The following CDR2 variants were observed in gnomAD, a reference collection of about 807,000 sequenced individuals.
CDR2 encodes the protein cerebellar degeneration-related protein 2.
CDR2 carries 34 observed loss-of-function variants against 48.4 expected under a neutral mutation model. The ratio of observed to expected loss-of-function variants is 0.70; its 90% CI spans 0.53 to 0.94. The LOEUF (loss-of-function observed/expected upper bound fraction) is 0.94. CDR2 is among the 40% of genes least tolerant of loss of function. CDR2 has a pLI of 0.00. For synonymous variants in CDR2, 240 were observed against 219.7 expected (o/e 1.09, Z -0.82); for missense variants, 498 against 549.5 (o/e 0.91, Z 0.94).
intron 2 of CDR2, among the ~76,000 whole-genome samples, chr16:22,358,687 A>G (rs2048992320): frequency 6.6e-6 from 1 of 152,214 alleles, no homozygotes; most frequent in Non-Finnish European, 1.5e-5. Context: ...TATCAAAATG[A>G]ACTTCCACAA....
chr16:22,348,287 G>T (rs1253832390), intron 4 of CDR2, among the ~76,000 whole-genome samples: 1 of 152,148 alleles, frequency 6.6e-6, no homozygotes, highest in East Asian at 1.9e-4. Flanking sequence ...AAATGGAATT[G>T]TGTGAGGCTG....
intron 1 of CDR2, among the ~76,000 whole-genome samples, chr16:22,371,665 A>C (rs1375820277): frequency 6.6e-6 from 1 of 152,212 alleles, no homozygotes; most frequent in Non-Finnish European, 1.5e-5. Flanking sequence ...CCTTTTATTC[A>C]CACTGTAGCC....
intron 2 of CDR2, among the ~76,000 whole-genome samples, chr16:22,361,567 G>A (rs531542840): frequency 1.3e-5 from 2 of 152,344 alleles, no homozygotes; most frequent in South Asian, 4.1e-4. Context: ...CAGGCAGCAA[G>A]GACAGTCTGT....
rs1426021841 is a variant in CDR2, at chr16:22,349,823, T to C, written c.219A>G (p.Leu73=). The change falls in exon 3 of 5, where the codon CTA becomes CTG. Residue 73 remains leucine, a synonymous_variant. Transcript: ENST00000268383. ...TTGCATGTTGTTCGTTCATCTGCCGTAGAAGTTCCACTTGCTTCGTCAGAT... is the reference window on the plus strand; with the variant it reads ...TTGCATGTTGTTCGTTCATCTGCCGCAGAAGTTCCACTTGCTTCGTCAGAT... ...IEYLTKQVEL[L]RQMNEQHAKV... is the part of the protein sequence containing the mutation. 7 of 1,614,160 alleles carry C rather than the reference T, an allele frequency of 4.3e-6. 1 individual carries two copies. The highest frequency in any genetic ancestry group is 3.3e-5 in the South Asian group (3 of 91,090).
intron 1 of CDR2, 33 bp downstream of exon 1, chr16:22,374,198 C>A (rs967259386): frequency 6.7e-7 from 1 of 1,492,096 alleles, no homozygotes; most frequent in Non-Finnish European, 9.2e-7. Flanking sequence ...CGGGCCAGGC[C>A]GCCGCCCGCC....
rs2048910638 is a variant in CDR2, at chr16:22,347,112, G to A, written c.1218C>T (p.Ala406=). 3 of 1,614,080 alleles carry A rather than the reference G, an allele frequency of 1.9e-6. No individual in the cohort carries two copies. The highest frequency in any genetic ancestry group is 1.3e-5 in the African/African-American group (1 of 74,930). The change falls in exon 5 of 5, where the codon GCC becomes GCT. Residue 406 remains alanine (A), a synonymous_variant. Coordinates refer to ENST00000268383, the MANE Select transcript of CDR2 (RefSeq NM_001802.2). ...AACTCACGGGCTCTGGGTTGACAGA[G>A]GCCAGTTCCCAGCCGCTGGCAACAG... ...SEPVASGWEL[A]SVNPEPVSSP...
rs1423693799 is a variant in CDR2 at position 22,355,338 on chromosome 16, C to T, written c.193-5489G>A. 2.6e-5 allele frequency among the ~76,000 whole-genome samples: 4 copies of T among 152,150 alleles called. 1 individual carries two copies. The highest frequency in any genetic ancestry group is 6.5e-5 in the Admixed American group (1 of 15,270). On this transcript the variant is annotated intron_variant, in intron 2 of 4. Coordinates refer to ENST00000268383, the MANE Select transcript of CDR2 (RefSeq NM_001802.2). The stretch of plus-strand genomic sequence containing the variant: ...GTGCCTCCCTCCTCTAATGCCTTTA[C>T]GATCCCCTATCCGGGGGGATGCAGT...
At chr16:22,355,145 G>C (rs929944613) in intron 2 of CDR2, among the ~76,000 whole-genome samples, 6 of 152,046 alleles carry the variant, frequency 3.9e-5, no homozygotes, top group Non-Finnish European at 8.8e-5. Flanking sequence ...ATTCCTAAGG[G>C]AAAAAAACTC....
At chr16:22,354,243 C>A (rs2048959836) in intron 2 of CDR2, among the ~76,000 whole-genome samples, 1 of 152,158 alleles carries the variant, frequency 6.6e-6, no homozygotes, top group Non-Finnish European at 1.5e-5. Context: ...TGATCTTGGA[C>A]ATGGAAAATC....
chr16:22,354,897 A>T (rs2048964615), intron 2 of CDR2, among the ~76,000 whole-genome samples: 1 of 152,166 alleles, frequency 6.6e-6, no homozygotes, highest in Non-Finnish European at 1.5e-5. Flanking sequence ...ATGTCTAAAA[A>T]TAAATAAATA....
In CDR2 at chr16:22,374,477, CCGACCGGCCGG is replaced by C. The variant is rs1260996048; in HGVS notation, c.-179_-169del. On this transcript the variant is annotated 5_prime_UTR_variant, in exon 1 of 5. Coordinates refer to ENST00000268383, the MANE Select transcript of CDR2 (RefSeq NM_001802.2). The stretch of plus-strand genomic sequence containing the variant: ...TCAGCCCCGTTCCCGCCGGCGGCCG[CCGACCGGCCGG>C]CTGCCTCGACTCGCCTCGCGCCTAC... 1 of 261,628 alleles carries C rather than the reference CCGACCGGCCGG, an allele frequency of 3.8e-6. No individual in the cohort carries two copies. Among genetic ancestry groups the C allele is most frequent in the Non-Finnish European group, 7.1e-6 (1 of 140,888 alleles). 16.2% of individuals were successfully genotyped at this position (261,628 alleles called of 1,614,324 possible). A position where few individuals can be genotyped will look rare whatever the true frequency, so the allele number is the denominator to read the frequency against.
At chr16:22,364,214 A>G (rs1189242029) in intron 2 of CDR2, among the ~76,000 whole-genome samples, 1 of 152,154 alleles carries the variant, frequency 6.6e-6, no homozygotes, top group Non-Finnish European at 1.5e-5. Flanking sequence ...AAGTGCTGAG[A>G]TTATAGGCAT....
In CDR2 at chr16:22,347,153, T is replaced by G; in HGVS notation, c.1177A>C (p.Asn393His). Residue 393 changes from asparagine (N) to histidine (H), a missense_variant, in exon 5 of 5, where the codon AAC becomes CAC. Coordinates refer to ENST00000268383, the MANE Select transcript of CDR2 (RefSeq NM_001802.2). ...CTGGCAACAGGCTCAGACTGGGCGT[T>G]CACTCCAGTCAGGTCCTTGGCTGCA... ...RAAAKDLTGV[N>H]AQSEPVASGW... The G allele has an allele frequency of 6.2e-7, 1 of 1,614,204 alleles. No individual in the cohort carries two copies. Among genetic ancestry groups the G allele is most frequent in the Non-Finnish European group, 8.5e-7 (1 of 1,179,986 alleles).
chr16:22,347,644 T>G lies in CDR2; in HGVS notation c.686A>C (p.Glu229Ala), dbSNP rs1410844343. ...CAGCTGCTGCTCCAGTTCACTGTTCTCCTTTAACACGAGCCCATATTCCTC... is the reference window on the plus strand; with the variant it reads ...CAGCTGCTGCTCCAGTTCACTGTTCGCCTTTAACACGAGCCCATATTCCTC... ...MEEEYGLVLKENSELEQQLGA... is the reference protein window; with the variant it reads ...MEEEYGLVLKANSELEQQLGA... Residue 229 changes from glutamate (E) to alanine (A), a missense_variant, in exon 5 of 5, where the codon GAG (glutamate) becomes GCG (alanine). By Grantham distance (107) the Glu-to-Ala change is moderately radical. Transcript: ENST00000268383. 6.2e-7 allele frequency: 1 copy of G among 1,614,176 alleles called. No homozygotes were observed. The highest frequency in any genetic ancestry group is 8.5e-7 in the Non-Finnish European group (1 of 1,180,032).
intron 1 of CDR2, chr16:22,368,736 G>C (rs2049058268): frequency 6.6e-6 from 1 of 152,186 alleles, no homozygotes; most frequent in Non-Finnish European, 1.5e-5. Context: ...TGAAAGAGAG[G>C]TCCGCAGGCT....
chr16:22,348,934 C>CA (rs2048923989), intron 4 of CDR2, among the ~76,000 whole-genome samples: 1 of 152,094 alleles, frequency 6.6e-6, no homozygotes, highest in South Asian at 2.1e-4. Context: ...CTTCTTTAAG[C>CA]AAAAAATCTC....
chr16:22,351,333 T>C (rs1450602072), intron 2 of CDR2, among the ~76,000 whole-genome samples: 2 of 152,236 alleles, frequency 1.3e-5, no homozygotes. Context: ...TACGTGTGCA[T>C]GCGTCTTTAT....
At position 22,364,278 on chromosome 16, in the gene CDR2, A is replaced by C. The variant is rs554318830; in HGVS notation, c.192+624T>G. 1.8e-4 allele frequency among the ~76,000 whole-genome samples: 28 copies of C among 152,336 alleles called. No homozygotes were observed. The East Asian group carries it at 5.4e-3, about 29-fold the overall frequency. ...CATTTTAATAAAATATCCAGCAAAA[A>C]TGTAAACAAATCAAGATCACAGCAG... On this transcript the variant is annotated intron_variant, in intron 2 of 4. Transcript: ENST00000268383.
At chr16:22,358,115 A>G (rs918911623) in intron 2 of CDR2, among the ~76,000 whole-genome samples, 3 of 152,220 alleles carry the variant, frequency 2.0e-5, no homozygotes, top group African/African-American at 7.2e-5. Flanking sequence ...AAGGCCAGAC[A>G]TCTAGGTCTA....
Sources: allele counts gnomAD v4.1 joint callset (sites outside exome capture counted in the v4.1 genomes callset), GRCh38; gene constraint gnomAD v4.1.1; transcripts MANE v1.5; gene names NCBI Gene and HGNC (gene_info 2026-07-23, HGNC 2026-07-21).